HNRNPUL1: variants seen among roughly 807,000 people sequenced by gnomAD.
HNRNPUL1 encodes the protein heterogeneous nuclear ribonucleoprotein U-like protein 1.
A neutral mutation model predicts 108.5 loss-of-function variants in HNRNPUL1; 14 were observed. That is an observed-to-expected ratio of 0.13 (90% CI 0.09 to 0.20). HNRNPUL1 has a LOEUF of 0.20. Among genes scored for constraint, HNRNPUL1 ranks in the 10% least tolerant of loss-of-function variants. HNRNPUL1 has a pLI of 1.00. For synonymous variants in HNRNPUL1, 422 were observed against 445.2 expected (o/e 0.95, Z 0.66); for missense variants, 804 against 1,168.3 (o/e 0.69, Z 4.55).
intron 10 of HNRNPUL1, among the ~76,000 whole-genome samples, chr19:41,300,651 C>T (rs985196522): frequency 2.0e-5 from 3 of 152,156 alleles, no homozygotes; most frequent in East Asian, 1.9e-4. Context: ...CCAAAGGGCC[C>T]GACATGAAGG....
Position 41,307,619 on chromosome 19 carries a change from TTTTG to T in HNRNPUL1, c.*1059_*1062del, listed in dbSNP as rs779846476. The T allele has an allele frequency of 7.9e-5, 12 of 152,622 alleles. No homozygotes were observed. Among genetic ancestry groups the T allele is most frequent in the Non-Finnish European group, 1.8e-4 (12 of 68,040 alleles). The allele number at this position is 152,622 out of a possible 1,614,324, so 9.5% of individuals were successfully genotyped here. ...CTTATTAAGAAATGTGTTTGCCCTGTTTTGTTTGGTTTCGTTTTGTTTTCTTTGA... is the reference window on the plus strand; with the variant it reads ...CTTATTAAGAAATGTGTTTGCCCTGTTTTGGTTTCGTTTTGTTTTCTTTGA... On this transcript the variant is annotated 3_prime_UTR_variant, in exon 15 of 15. Transcript: ENST00000392006.
Position 41,294,590 on chromosome 19 carries a change from T to C in HNRNPUL1, c.1422T>C (p.Ala474=). 3 of 1,614,200 alleles carry C rather than the reference T, an allele frequency of 1.9e-6. No individual in the cohort carries two copies. The highest frequency in any genetic ancestry group is 2.5e-6 in the Non-Finnish European group (3 of 1,180,030). ...VMGLRRQRNY[A]GRWDVLIQQA... Reference sequence around the variant, plus strand: ...GCCTACGCCGGCAGCGGAACTATGCTGGCCGCTGGGATGTCCTGATCCAGC... The same window carrying C: ...GCCTACGCCGGCAGCGGAACTATGCCGGCCGCTGGGATGTCCTGATCCAGC... The change falls in exon 10 of 15, where the codon GCT becomes GCC. Residue 474 remains alanine, a synonymous_variant. Transcript: ENST00000392006. This position sits in a 1 kb window ranked among gnomAD's most constrained non-coding sequence, Gnocchi z 4.3.
intron 5 of HNRNPUL1, among the ~76,000 whole-genome samples, chr19:41,277,123 C>CA (rs1000989084): frequency 4.7e-5 from 7 of 149,254 alleles, no homozygotes; most frequent in African/African-American, 7.5e-5. Flanking sequence ...AAAACAAAAA[C>CA]AAAAAAAACA....
intron 7 of HNRNPUL1, among the ~76,000 whole-genome samples, chr19:41,290,066 T>C (rs576100730): frequency 6.6e-6 from 1 of 152,234 alleles, no homozygotes; most frequent in Admixed American, 6.5e-5. Context: ...CATGAGGGCC[T>C]CTGACACAGA....
At chr19:41,282,862 TG>T in intron 7 of HNRNPUL1, among the ~76,000 whole-genome samples, 1 of 151,282 alleles carries the variant, frequency 6.6e-6, no homozygotes, top group South Asian at 2.1e-4. Context: ...GCTAATTTTT[TG>T]TATTTTTTTT....
At chr19:41,302,981 T>G (rs2037324663) in intron 12 of HNRNPUL1, 32 bp downstream of exon 12, 3 of 1,508,426 alleles carry the variant, frequency 2.0e-6, no homozygotes, top group Middle Eastern at 2.1e-4. Flanking sequence ...ACTCTCCACT[T>G]TCTGTTCCCA....
chr19:41,268,455 G>A, intron 2 of HNRNPUL1, 110 bp downstream of exon 2: 1 of 1,185,008 alleles, frequency 8.4e-7, no homozygotes, highest in Non-Finnish European at 1.2e-6. Context: ...TTTTTTCTTG[G>A]GCAGTTCATC....
At chr19:41,301,796 T>A in intron 11 of HNRNPUL1, 92 bp downstream of exon 11, 1 of 1,156,542 alleles carries the variant, frequency 8.6e-7, no homozygotes, top group Non-Finnish European at 1.2e-6. Context: ...GGCTCCCCAG[T>A]GATTTCTTTT....
At position 41,274,054 on chromosome 19, in the gene HNRNPUL1, C is replaced by T. The variant is rs754913215; in HGVS notation, c.645C>T (p.Thr215=). Residue 215 remains threonine (T), a splice_region_variant and synonymous_variant, in exon 4 of 15, where the codon ACC becomes ACT. Transcript: ENST00000392006. ...DFDDTLVAID[T]YNCDLHFKVA... is the part of the protein sequence containing the mutation. Reference sequence around the variant, plus strand: ...ATGATACCCTTGTTGCTATTGACACCTGTAAGTCTTTGGAGTGTGCATCTA... The same window carrying T: ...ATGATACCCTTGTTGCTATTGACACTTGTAAGTCTTTGGAGTGTGCATCTA... 2.5e-6 allele frequency: 4 copies of T among 1,613,074 alleles called. No individual in the cohort carries two copies. Among genetic ancestry groups the T allele is most frequent in the Non-Finnish European group, 3.4e-6 (4 of 1,179,144 alleles).
In HNRNPUL1 at chr19:41,294,612, C is replaced by G; in HGVS notation, c.1444C>G (p.Gln482Glu). The change falls in exon 10 of 15, where the codon CAG becomes GAG. Residue 482 changes from glutamine to glutamate, a missense_variant. By Grantham distance (29) the Gln-to-Glu change is conservative (BLOSUM62 2). Transcript: ENST00000392006. This position sits in a 1 kb window ranked among gnomAD's most constrained non-coding sequence, Gnocchi z 4.3. Reference sequence around the variant, plus strand: ...TGCTGGCCGCTGGGATGTCCTGATCCAGCAGGCCACCCAGTGCCTCAACCG... The same window carrying G: ...TGCTGGCCGCTGGGATGTCCTGATCGAGCAGGCCACCCAGTGCCTCAACCG... ...NYAGRWDVLI[Q>E]QATQCLNRLI... 1 of 1,614,186 alleles carries G rather than the reference C, an allele frequency of 6.2e-7. No homozygotes were observed. Among genetic ancestry groups the G allele is most frequent in the Non-Finnish European group, 8.5e-7 (1 of 1,180,034 alleles).
intron 7 of HNRNPUL1, among the ~76,000 whole-genome samples, chr19:41,290,993 C>T (rs985768693): frequency 2.0e-5 from 3 of 152,178 alleles, no homozygotes; most frequent in African/African-American, 7.2e-5. Flanking sequence ...TTGTGGTGGG[C>T]CGAGATTGCG....
At chr19:41,273,835 A>C in intron 3 of HNRNPUL1, 147 bp from the exon 4 acceptor site, 2 of 632,278 alleles carry the variant, frequency 3.2e-6, no homozygotes, top group Non-Finnish European at 5.6e-6. Flanking sequence ...GTAGGGTTTC[A>C]GAGTTCTTTT....
intron 1 of HNRNPUL1, among the ~76,000 whole-genome samples, chr19:41,265,757 A>G (rs2034796631): frequency 6.6e-6 from 1 of 151,870 alleles, no homozygotes; most frequent in Non-Finnish European, 1.5e-5. Flanking sequence ...ATGGGGGCAG[A>G]TGAGTTGGTA....
intron 10 of HNRNPUL1, among the ~76,000 whole-genome samples, chr19:41,300,491 T>TA (rs1455674814): frequency 1.3e-5 from 2 of 152,136 alleles, no homozygotes; most frequent in African/African-American, 4.8e-5. Flanking sequence ...AGGGTACCTG[T>TA]ATAGGTGCCT....
intron 14 of HNRNPUL1, 30 bp downstream of exon 14, chr19:41,305,897 G>A (rs773306526): frequency 6.9e-6 from 10 of 1,440,138 alleles, no homozygotes; most frequent in Middle Eastern, 2.5e-4. Context: ...CCAACTGGAT[G>A]GAGAGACTTC....
At chr19:41,297,331 C>T (rs2036950490) in intron 10 of HNRNPUL1, among the ~76,000 whole-genome samples, 1 of 152,112 alleles carries the variant, frequency 6.6e-6, no homozygotes, top group African/African-American at 2.4e-5. Context: ...AGTCGGGGCA[C>T]AGAGGATGAT....
intron 12 of HNRNPUL1, 86 bp downstream of exon 12, chr19:41,303,035 G>C: frequency 7.1e-7 from 1 of 1,406,082 alleles, no homozygotes; most frequent in Non-Finnish European, 9.5e-7. Context: ...AGCAACTGAA[G>C]TTTTCTGAGC....
intron 7 of HNRNPUL1, among the ~76,000 whole-genome samples, chr19:41,284,313 C>T (rs997482400): frequency 1.3e-5 from 2 of 152,138 alleles, no homozygotes; most frequent in South Asian, 2.1e-4. Flanking sequence ...AAAAAATTCC[C>T]GAAGCCATCA....
At chr19:41,269,255 C>G (rs931346315) in intron 2 of HNRNPUL1, among the ~76,000 whole-genome samples, 2 of 151,870 alleles carry the variant, frequency 1.3e-5, no homozygotes, top group African/African-American at 4.8e-5. Context: ...CATTTGAGAC[C>G]AGGAGTTCCA....
Sources: gnomAD v4.1 joint callset for allele counts (sites outside exome capture counted in the v4.1 genomes callset) on GRCh38, gnomAD v4.1.1 for gene constraint, Gnocchi (gnomAD v3.1) non-coding constraint, MANE v1.5 for transcripts, NCBI Gene and HGNC (gene_info 2026-07-23, HGNC 2026-07-21) for gene names.